SLC10A7: variants seen among roughly 807,000 people sequenced by gnomAD.
The protein encoded by SLC10A7 is sodium/bile acid cotransporter 7.
In SLC10A7, 29 loss-of-function variants were observed where a neutral mutation model predicts 43.2. That is an observed-to-expected ratio of 0.67 (90% confidence interval 0.50 to 0.92). SLC10A7 has a LOEUF of 0.92. Ranked by LOEUF, SLC10A7 falls within the 40% of genes least tolerant of loss-of-function variation. The pLI, the probability that SLC10A7 is intolerant of heterozygous loss-of-function variation, is 0.00. For missense variants in SLC10A7, 295 were observed against 403.2 expected (o/e 0.73, Z 2.30); for synonymous variants, 152 against 144.8 (o/e 1.05, Z -0.35).
intron 5 of SLC10A7, among the ~76,000 whole-genome samples, chr4:146,401,071 G>C (rs900460793): frequency 1.3e-5 from 2 of 152,174 alleles, no homozygotes; most frequent in Non-Finnish European, 1.5e-5. Context: ...ATTCAGAACA[G>C]CTAAAATTTG....
chr4:146,332,480 ATAGT>A (rs1281080708), intron 5 of SLC10A7, among the ~76,000 whole-genome samples: 13 of 152,156 alleles, frequency 8.5e-5, no homozygotes, highest in Non-Finnish European at 2.9e-5. Flanking sequence ...TATTTTCATG[ATAGT>A]TAGTTCTTGT....
intron 5 of SLC10A7, among the ~76,000 whole-genome samples, chr4:146,418,448 C>A (rs952749470): frequency 5.3e-5 from 8 of 152,026 alleles, no homozygotes; most frequent in African/African-American, 1.7e-4. Context: ...AATGATGATA[C>A]CCATGCATCC....
chr4:146,491,420 G>C (rs1414064837), intron 4 of SLC10A7, among the ~76,000 whole-genome samples: 1 of 152,122 alleles, frequency 6.6e-6, no homozygotes, highest in African/African-American at 2.4e-5. Context: ...ATCCATTAAA[G>C]TTTAGGATAG....
At chr4:146,354,780 A>G (rs1735443788) in intron 5 of SLC10A7, among the ~76,000 whole-genome samples, 1 of 146,310 alleles carries the variant, frequency 6.8e-6, no homozygotes, top group South Asian at 2.2e-4. Context: ...AAAAACAAGC[A>G]ATGGGGAAAG....
chr4:146,316,828 A>C (rs1732357208), intron 6 of SLC10A7, among the ~76,000 whole-genome samples: 1 of 152,102 alleles, frequency 6.6e-6, no homozygotes, highest in African/African-American at 2.4e-5. Context: ...CAGCTGCTGC[A>C]TTTCAGATGA....
At chr4:146,491,686 AG>A (rs1475077088) in intron 4 of SLC10A7, among the ~76,000 whole-genome samples, 4 of 46,042 alleles carry the variant, frequency 8.7e-5, no homozygotes, top group Non-Finnish European at 1.7e-4. Context: ...AAGGGAAGGA[AG>A]GAAGGAAGGA....
At chr4:146,266,336 T>C (rs974034315) in intron 10 of SLC10A7, among the ~76,000 whole-genome samples, 1 of 151,958 alleles carries the variant, frequency 6.6e-6, no homozygotes, top group African/African-American at 2.4e-5. Flanking sequence ...AGGAGGGAAA[T>C]TGCTATTGAG....
intron 5 of SLC10A7, among the ~76,000 whole-genome samples, chr4:146,335,267 A>C (rs1733813293): frequency 6.7e-6 from 1 of 148,292 alleles, no homozygotes. Context: ...AAAAAAAAAA[A>C]AAAAAAAAAA....
intron 9 of SLC10A7, among the ~76,000 whole-genome samples, chr4:146,287,126 C>CTG (rs1332815936): frequency 2.0e-5 from 3 of 150,132 alleles, no homozygotes; most frequent in African/African-American, 7.4e-5. Context: ...GTGAGAAGGA[C>CTG]CGTGTCTGGA....
intron 5 of SLC10A7, among the ~76,000 whole-genome samples, chr4:146,336,345 C>CAT (rs1733895247): frequency 6.6e-6 from 1 of 152,048 alleles, no homozygotes; most frequent in Admixed American, 6.6e-5. Context: ...TTTGAGTGAA[C>CAT]CCACGCTGGC....
intron 10 of SLC10A7, among the ~76,000 whole-genome samples, chr4:146,259,753 ATAAC>A (rs1325832862): frequency 6.6e-6 from 1 of 152,258 alleles, no homozygotes; most frequent in Non-Finnish European, 1.5e-5. Context: ...TTGAGCTTCT[ATAAC>A]TAACACAATT....
intron 5 of SLC10A7, among the ~76,000 whole-genome samples, chr4:146,429,212 G>A (rs557685101): frequency 6.6e-6 from 1 of 152,144 alleles, no homozygotes; most frequent in African/African-American, 2.4e-5. Context: ...GAAAAATTTG[G>A]TAGACAGATG....
chr4:146,285,722 C>T (rs969672045), intron 9 of SLC10A7, among the ~76,000 whole-genome samples: 15 of 152,144 alleles, frequency 9.9e-5, no homozygotes, highest in African/African-American at 3.6e-4. Flanking sequence ...GGGAAGGAGG[C>T]CAAGGAGTTG....
At chr4:146,405,384 C>A (rs1392040477) in intron 5 of SLC10A7, among the ~76,000 whole-genome samples, 2 of 152,094 alleles carry the variant, frequency 1.3e-5, no homozygotes, top group Admixed American at 1.3e-4. Context: ...ATTGGCACCA[C>A]AATAATGAAA....
intron 4 of SLC10A7, among the ~76,000 whole-genome samples, chr4:146,474,629 G>C (rs979464951): frequency 1.3e-5 from 2 of 152,010 alleles, no homozygotes; most frequent in African/African-American, 4.8e-5. Context: ...GGTCTCTAAA[G>C]GGTGGTAAAG....
At chr4:146,301,574 A>C (rs905543812) in intron 7 of SLC10A7, among the ~76,000 whole-genome samples, 2 of 152,168 alleles carry the variant, frequency 1.3e-5, no homozygotes, top group African/African-American at 2.4e-5. Context: ...CAGCAGAGAG[A>C]CAGGTTTAGG....
At chr4:146,333,192 T>C (rs1468900766) in intron 5 of SLC10A7, among the ~76,000 whole-genome samples, 1 of 152,124 alleles carries the variant, frequency 6.6e-6, no homozygotes, top group Admixed American at 6.5e-5. Flanking sequence ...AAAAGTGTGA[T>C]TTTTTTCAGG....
At chr4:146,269,781 C>T (rs1560749258) in intron 10 of SLC10A7, among the ~76,000 whole-genome samples, 1 of 152,104 alleles carries the variant, frequency 6.6e-6, no homozygotes, top group Non-Finnish European at 1.5e-5. Context: ...CTGCCACTGC[C>T]CCACAACCTA....
intron 5 of SLC10A7, among the ~76,000 whole-genome samples, chr4:146,383,252 T>G (rs1737759504): frequency 6.6e-6 from 1 of 152,150 alleles, no homozygotes; most frequent in African/African-American, 2.4e-5. Context: ...CTTAGTGAAT[T>G]CTCTCAACTC....
Sources: gnomAD v4.1 joint callset for allele counts (sites outside exome capture counted in the v4.1 genomes callset) on GRCh38, gnomAD v4.1.1 for gene constraint, MANE v1.5 for transcripts, NCBI Gene and HGNC (gene_info 2026-07-23, HGNC 2026-07-21) for gene names.